The following SORCS3 variants were observed in gnomAD, a reference collection of about 807,000 sequenced individuals.
SORCS3 encodes sortilin related VPS10 domain containing receptor 3.
Under a neutral mutation model 146.3 loss-of-function variants are expected in SORCS3, and 57 were observed. That is an observed-to-expected ratio of 0.39 (90% CI 0.31 to 0.49). The LOEUF (loss-of-function observed/expected upper bound fraction) is 0.49. Ranked by LOEUF, SORCS3 falls within the 20% of genes least tolerant of loss-of-function variation. The pLI, the probability that SORCS3 is intolerant of heterozygous loss-of-function variation, is 0.92. For synonymous variants in SORCS3, 653 were observed against 618.5 expected, an observed-to-expected ratio of 1.06 and a Z score of -0.83; for missense variants, 1,341 against 1,575.5, an observed-to-expected ratio of 0.85 and a Z score of 2.52.
At chr10:104,977,719 CCTTTT>C (rs1453206121) in intron 4 of SORCS3, among the ~76,000 whole-genome samples, 1 of 149,162 alleles carries the variant, frequency 6.7e-6, no homozygotes, top group Non-Finnish European at 1.5e-5. Context: ...GCTATTATTT[CCTTTT>C]CTTTTCTTTT....
intron 20 of SORCS3, among the ~76,000 whole-genome samples, chr10:105,240,751 T>C (rs576371392): frequency 2.0e-5 from 3 of 152,160 alleles, no homozygotes; most frequent in Non-Finnish European, 4.4e-5. Flanking sequence ...ACCTGTGTAA[T>C]CCAAACTTCC....
At chr10:105,017,150 T>A (rs1195416913) in intron 4 of SORCS3, among the ~76,000 whole-genome samples, 1 of 152,142 alleles carries the variant, frequency 6.6e-6, no homozygotes, top group Non-Finnish European at 1.5e-5. Flanking sequence ...AGGGGATTTT[T>A]TTTTTTTGAG....
At chr10:105,225,463 A>G (rs940401663) in intron 20 of SORCS3, among the ~76,000 whole-genome samples, 1 of 151,998 alleles carries the variant, frequency 6.6e-6, no homozygotes, top group Non-Finnish European at 1.5e-5. Context: ...TTTCACCAAT[A>G]CAACCTGTTT....
intron 13 of SORCS3, among the ~76,000 whole-genome samples, chr10:105,170,744 C>T (rs2119537593): frequency 6.6e-6 from 1 of 152,300 alleles, no homozygotes; most frequent in South Asian, 2.1e-4. Context: ...ACAACCAACT[C>T]ATTTGGGAAT....
chr10:104,780,624 C>G (rs900961276), intron 1 of SORCS3, among the ~76,000 whole-genome samples: 1 of 152,208 alleles, frequency 6.6e-6, no homozygotes, highest in African/African-American at 2.4e-5. Context: ...CTTTTGTGAG[C>G]TGCTGAGGTA....
intron 1 of SORCS3, among the ~76,000 whole-genome samples, chr10:104,650,973 G>A (rs2015551719): frequency 6.6e-6 from 1 of 152,162 alleles, no homozygotes. Flanking sequence ...GTTCTCAGTG[G>A]GAGATGAAGA....
intron 15 of SORCS3, among the ~76,000 whole-genome samples, chr10:105,200,602 T>C (rs1043453565): frequency 2.0e-5 from 3 of 152,178 alleles, no homozygotes; most frequent in East Asian, 3.9e-4. Context: ...AGACTTCTGC[T>C]CCAGAACCAC....
intron 1 of SORCS3, among the ~76,000 whole-genome samples, chr10:104,680,451 A>G (rs943548497): frequency 4.6e-5 from 7 of 152,086 alleles, no homozygotes; most frequent in African/African-American, 1.7e-4. Flanking sequence ...CAGGCCACCG[A>G]CCTTCTCCTC....
chr10:104,919,201 A>C (rs937500811), intron 3 of SORCS3, among the ~76,000 whole-genome samples: 4 of 152,164 alleles, frequency 2.6e-5, no homozygotes, highest in Non-Finnish European at 4.4e-5. Context: ...CACAGAAACT[A>C]GTGCTCAATA....
chr10:104,826,227 A>G (rs1037236243), intron 1 of SORCS3, among the ~76,000 whole-genome samples: 1 of 152,186 alleles, frequency 6.6e-6, no homozygotes, highest in Non-Finnish European at 1.5e-5. Flanking sequence ...AGTGGTTGGC[A>G]CTTAGTAGGT....
chr10:105,209,016 A>C (rs1403064083), intron 16 of SORCS3, among the ~76,000 whole-genome samples: 1 of 152,182 alleles, frequency 6.6e-6, no homozygotes, highest in African/African-American at 2.4e-5. Flanking sequence ...TTCTTGTCAC[A>C]TTAACTCCAC....
At chr10:104,930,839 C>T (rs575427497) in intron 3 of SORCS3, among the ~76,000 whole-genome samples, 148 of 152,258 alleles carry the variant, frequency 9.7e-4, no homozygotes, top group Non-Finnish European at 1.9e-3. Context: ...TCTGTGTAAT[C>T]GGGATGATAC....
chr10:104,759,549 G>A (rs1256477534), intron 1 of SORCS3, among the ~76,000 whole-genome samples: 1 of 152,160 alleles, frequency 6.6e-6, no homozygotes, highest in East Asian at 1.9e-4. Flanking sequence ...GGTTACTTTA[G>A]TATATAGTTT....
At chr10:105,187,243 C>T (rs575329556) in intron 14 of SORCS3, among the ~76,000 whole-genome samples, 41 of 152,226 alleles carry the variant, frequency 2.7e-4, no homozygotes, top group Admixed American at 6.5e-4. Context: ...TATTTTCAAG[C>T]CTTTCAATCT....
intron 2 of SORCS3, among the ~76,000 whole-genome samples, chr10:104,901,273 T>G (rs1467466023): frequency 6.6e-6 from 1 of 152,140 alleles, no homozygotes; most frequent in Non-Finnish European, 1.5e-5. Context: ...TTTTGCCCAT[T>G]TTATAGATGA....
At chr10:105,078,527 A>G (rs1317859055) in intron 5 of SORCS3, among the ~76,000 whole-genome samples, 1 of 152,216 alleles carries the variant, frequency 6.6e-6, no homozygotes, top group Non-Finnish European at 1.5e-5. Flanking sequence ...AAAAAAAGAA[A>G]AAAAGATTAT....
At chr10:105,178,962 C>T (rs1473321077) in intron 14 of SORCS3, among the ~76,000 whole-genome samples, 1 of 152,188 alleles carries the variant, frequency 6.6e-6, no homozygotes, top group Non-Finnish European at 1.5e-5. Context: ...GTATGATCTT[C>T]CTACGCTTAG....
At chr10:104,982,975 G>A (rs1275231352) in intron 4 of SORCS3, among the ~76,000 whole-genome samples, 1 of 152,164 alleles carries the variant, frequency 6.6e-6, no homozygotes, top group African/African-American at 2.4e-5. Context: ...CTGGTGGCCT[G>A]TGTCACCCCA....
At chr10:104,977,006 A>T (rs1303916184) in intron 3 of SORCS3, among the ~76,000 whole-genome samples, 1 of 151,992 alleles carries the variant, frequency 6.6e-6, no homozygotes, top group African/African-American at 2.4e-5. Flanking sequence ...ACATGTATAT[A>T]TATGTAACTA....
Sources: allele counts gnomAD v4.1 joint callset (sites outside exome capture counted in the v4.1 genomes callset), GRCh38; gene constraint gnomAD v4.1.1; transcripts MANE v1.5; gene names NCBI Gene and HGNC (gene_info 2026-07-23, HGNC 2026-07-21).